CSTPP1: variants seen among roughly 807,000 people sequenced by gnomAD.
CSTPP1 encodes UPF0705 protein C11orf49.
the CSTPP1 span, among the ~76,000 whole-genome samples, chr11:47,107,696 TA>T: frequency 6.6e-6 from 1 of 152,230 alleles, no homozygotes; most frequent in Admixed American, 6.5e-5. Flanking sequence ...TTTTTTCTAT[TA>T]GAAGATTCTC....
chr11:47,160,023 C>G, the CSTPP1 span: 12 of 255,012 alleles, frequency 4.7e-5, no homozygotes, highest in South Asian at 1.3e-4. Flanking sequence ...ACACTAATAG[C>G]CAGACATGGT....
At chr11:46,964,112 C>G in the CSTPP1 span, among the ~76,000 whole-genome samples, 5 of 152,086 alleles carry the variant, frequency 3.3e-5, no homozygotes, top group Non-Finnish European at 7.4e-5. Flanking sequence ...TTTCTAAAAC[C>G]TAAACTGGAT....
chr11:47,106,794 G>T, the CSTPP1 span, among the ~76,000 whole-genome samples: 1 of 152,100 alleles, frequency 6.6e-6, no homozygotes, highest in Non-Finnish European at 1.5e-5. Flanking sequence ...TGCCACCAAG[G>T]TAACCAAGAC....
the CSTPP1 span, among the ~76,000 whole-genome samples, chr11:47,036,211 AT>A: frequency 2.5e-3 from 136 of 53,988 alleles, 6 homozygotes; most frequent in African/African-American, 6.6e-3. Flanking sequence ...TATATATTAT[AT>A]TAATATATAA....
the CSTPP1 span, among the ~76,000 whole-genome samples, chr11:46,942,992 G>T: frequency 6.6e-6 from 1 of 152,108 alleles, no homozygotes; most frequent in Admixed American, 6.6e-5. Flanking sequence ...TAAGGATGAG[G>T]CTCTTGCAAA....
chr11:47,031,697 T>TC, the CSTPP1 span, among the ~76,000 whole-genome samples: 2 of 132,592 alleles, frequency 1.5e-5, no homozygotes, highest in African/African-American at 5.5e-5. Context: ...ACCCCATCTC[T>TC]TTTTTTTTTT....
the CSTPP1 span, among the ~76,000 whole-genome samples, chr11:46,951,531 C>G: frequency 1.3e-5 from 2 of 151,972 alleles, no homozygotes; most frequent in African/African-American, 4.8e-5. Context: ...GTGATCCACC[C>G]GCCTTGGCCT....
At chr11:47,035,884 A>G in the CSTPP1 span, among the ~76,000 whole-genome samples, 2 of 151,404 alleles carry the variant, frequency 1.3e-5, no homozygotes, top group African/African-American at 4.9e-5. Flanking sequence ...ATGTATAAGT[A>G]GACCCACACA....
chr11:47,119,290 G>A, the CSTPP1 span, among the ~76,000 whole-genome samples: 51 of 152,260 alleles, frequency 3.3e-4, no homozygotes, highest in African/African-American at 1.2e-3. Flanking sequence ...CACCTTGTCT[G>A]CCAGTTGCTA....
At chr11:46,968,044 C>A in the CSTPP1 span, among the ~76,000 whole-genome samples, 1 of 151,302 alleles carries the variant, frequency 6.6e-6, no homozygotes, top group Non-Finnish European at 1.5e-5. Context: ...AAGTTACTTT[C>A]CTTGTAGGGT....
the CSTPP1 span, among the ~76,000 whole-genome samples, chr11:47,118,700 C>T: frequency 1.3e-5 from 2 of 152,190 alleles, no homozygotes; most frequent in Non-Finnish European, 2.9e-5. Context: ...TTCCTTCTAA[C>T]AGTCAGGTCC....
the CSTPP1 span, among the ~76,000 whole-genome samples, chr11:47,138,760 C>T: frequency 6.6e-6 from 1 of 151,984 alleles, no homozygotes; most frequent in South Asian, 2.1e-4. Context: ...GGCAGATCCC[C>T]TGAAGCCAGG....
the CSTPP1 span, among the ~76,000 whole-genome samples, chr11:47,015,725 T>G: frequency 6.6e-6 from 1 of 151,942 alleles, no homozygotes; most frequent in African/African-American, 2.4e-5. Context: ...CCAATATTCC[T>G]TGTCACAAAA....
chr11:47,024,850 T>A, the CSTPP1 span, among the ~76,000 whole-genome samples: 1 of 152,138 alleles, frequency 6.6e-6, no homozygotes, highest in African/African-American at 2.4e-5. Context: ...AGATTCTGCC[T>A]GCTACCTAGA....
chr11:46,986,247 CT>C, the CSTPP1 span, among the ~76,000 whole-genome samples: 4 of 152,268 alleles, frequency 2.6e-5, no homozygotes, highest in African/African-American at 4.8e-5. Flanking sequence ...AATACTCATA[CT>C]TTTTATTATA....
At chr11:47,155,380 G>A in the CSTPP1 span, 15 of 916,682 alleles carry the variant, frequency 1.6e-5, no homozygotes, top group South Asian at 1.4e-4. Flanking sequence ...TCCTTTGGGG[G>A]TGTGCTTCAC....
the CSTPP1 span, among the ~76,000 whole-genome samples, chr11:47,134,092 C>T: frequency 6.6e-6 from 1 of 152,186 alleles, no homozygotes; most frequent in Admixed American, 6.5e-5. Flanking sequence ...CTTATTTCAT[C>T]CCTCTAAACT....
chr11:46,937,156 A>G, the CSTPP1 span, among the ~76,000 whole-genome samples: 1 of 152,188 alleles, frequency 6.6e-6, no homozygotes, highest in Non-Finnish European at 1.5e-5. Flanking sequence ...CTGGTAGTGG[A>G]GTAAGAATAA....
the CSTPP1 span, among the ~76,000 whole-genome samples, chr11:47,000,197 C>G: frequency 6.6e-6 from 1 of 152,104 alleles, no homozygotes; most frequent in South Asian, 2.1e-4. Flanking sequence ...GAAATACATC[C>G]AAGAAAATGG....
Sources: gnomAD v4.1 joint callset for allele counts (sites outside exome capture counted in the v4.1 genomes callset) on GRCh38, gnomAD v4.1.1 for gene constraint, MANE v1.5 for transcripts, NCBI Gene and HGNC (gene_info 2026-07-23, HGNC 2026-07-21) for gene names.